ADAM22: variants seen among roughly 807,000 people sequenced by gnomAD.
ADAM22 encodes the protein ADAM metallopeptidase domain 22, also known as disintegrin and metalloproteinase domain-containing protein 22.
A neutral mutation model predicts 144.6 loss-of-function variants in ADAM22; 65 were observed. That is an observed-to-expected ratio of 0.45 (90% CI 0.37 to 0.55). The LOEUF (loss-of-function observed/expected upper bound fraction) is 0.55. ADAM22 is among the 20% of genes least tolerant of loss of function. ADAM22 has a pLI of 0.00. For synonymous variants in ADAM22, 391 were observed against 412.6 expected (o/e 0.95, Z 0.63); for missense variants, 974 against 1,184.9 (o/e 0.82, Z 2.61).
In ADAM22 at chr7:88,198,901, G is replaced by A. The variant is rs1237643194; in HGVS notation, c.*2410G>A. ...CCTGTGGAACTGACTAAAAATTTTT[G>A]TTTTATTTGTAGAGATTATGATTTG... is the stretch of plus-strand genomic sequence containing the variant. On this transcript the variant is annotated 3_prime_UTR_variant, in exon 32 of 32. Transcript: ENST00000413139. 1 of 152,072 alleles carries A rather than the reference G, an allele frequency of 6.6e-6. No individual in the cohort carries two copies. Among genetic ancestry groups the A allele is most frequent in the Non-Finnish European group, 1.5e-5 (1 of 67,996 alleles). 9.4% of individuals were successfully genotyped at this position (152,072 alleles called of 1,614,324 possible). A position where few individuals can be genotyped will look rare whatever the true frequency, so the allele number is the denominator to read the frequency against.
intron 3 of ADAM22, among the ~76,000 whole-genome samples, chr7:87,984,144 C>G (rs958175750): frequency 1.3e-5 from 2 of 152,098 alleles, no homozygotes; most frequent in East Asian, 3.8e-4. Flanking sequence ...AAGCCCCTGC[C>G]GACATTCTTG....
At chr7:87,995,208 ATCTCAG>A (rs1020908680) in intron 3 of ADAM22, among the ~76,000 whole-genome samples, 1 of 152,206 alleles carries the variant, frequency 6.6e-6, no homozygotes. Flanking sequence ...GATATTGGGA[ATCTCAG>A]TGCCTGGATG....
chr7:88,095,482 CT>C (rs1290433502), intron 4 of ADAM22, among the ~76,000 whole-genome samples: 2 of 152,118 alleles, frequency 1.3e-5, no homozygotes, highest in Admixed American at 6.6e-5. Context: ...ATTATTCCCC[CT>C]GCTATCAAAA....
At chr7:88,038,478 G>A (rs1425556628) in intron 3 of ADAM22, among the ~76,000 whole-genome samples, 7 of 147,804 alleles carry the variant, frequency 4.7e-5, no homozygotes, top group East Asian at 3.9e-4. Context: ...CTTTTGAGAC[G>A]GAGTTTCGCT....
intron 3 of ADAM22, among the ~76,000 whole-genome samples, chr7:88,005,912 A>T (rs937802414): frequency 3.9e-5 from 6 of 152,214 alleles, no homozygotes; most frequent in Non-Finnish European, 7.3e-5. Context: ...TATAACATAA[A>T]TACCACAAAA....
At chr7:88,192,545 A>T (rs142231898) in intron 30 of ADAM22, among the ~76,000 whole-genome samples, 3 of 152,240 alleles carry the variant, frequency 2.0e-5, no homozygotes, top group East Asian at 3.9e-4. Flanking sequence ...TGCACTCCTT[A>T]CTGCTTGCAT....
chr7:88,135,277 C>CAAA (rs55721029), intron 13 of ADAM22, among the ~76,000 whole-genome samples: 2 of 60,462 alleles, frequency 3.3e-5, no homozygotes, highest in Non-Finnish European at 5.9e-5. Context: ...GACTCCATCT[C>CAAA]AAAAAAAAAA....
chr7:88,123,121 T>C (rs1007646449), intron 7 of ADAM22, among the ~76,000 whole-genome samples: 1 of 152,128 alleles, frequency 6.6e-6, no homozygotes, highest in Non-Finnish European at 1.5e-5. Context: ...TGGGCCCCAA[T>C]TGGTTATGGT....
chr7:88,180,911 A>G (rs1563409695), intron 27 of ADAM22, among the ~76,000 whole-genome samples: 3 of 152,150 alleles, frequency 2.0e-5, no homozygotes, highest in Admixed American at 6.6e-5. Context: ...CATGATAAAC[A>G]TCTGATTCAG....
chr7:88,053,016 A>G (rs751923417), intron 3 of ADAM22, among the ~76,000 whole-genome samples: 90 of 152,300 alleles, frequency 5.9e-4, no homozygotes, highest in Admixed American at 9.8e-4. Flanking sequence ...ACAGAATTTT[A>G]AAAAGTTTCC....
At position 88,136,011 on chromosome 7, in the gene ADAM22, G is replaced by A. The variant is rs773513906; in HGVS notation, c.1200G>A (p.Gly400=). The part of the protein sequence containing the change: ...GECKCEDTWS[G]CIMGDTGYYL... ...GTAAATGCGAGGACACGTGGTCCGG[G>A]TGCATAATGGGAGACACTGGGTGAG... The change falls in exon 14 of 32, where the codon GGG becomes GGA. Residue 400 remains glycine, a synonymous_variant. Coordinates refer to ENST00000413139, the MANE Select transcript of ADAM22 (RefSeq NM_001324418.2). 36 of 1,612,084 alleles carry A rather than the reference G, an allele frequency of 2.2e-5. No homozygotes were observed. The highest frequency in any genetic ancestry group is 3.1e-5 in the Non-Finnish European group (36 of 1,178,938).
At chr7:88,170,004 T>C (rs1362857358) in intron 25 of ADAM22, among the ~76,000 whole-genome samples, 1 of 152,140 alleles carries the variant, frequency 6.6e-6, no homozygotes, top group Non-Finnish European at 1.5e-5. Flanking sequence ...TATTAAATTA[T>C]GTGTCTATTT....
intron 3 of ADAM22, among the ~76,000 whole-genome samples, chr7:88,008,729 A>G (rs1159370175): frequency 2.0e-5 from 3 of 151,892 alleles, no homozygotes; most frequent in Non-Finnish European, 4.4e-5. Flanking sequence ...GAAGGGGAAC[A>G]TCACACTCTG....
At chr7:88,135,021 C>A (rs567878403) in intron 13 of ADAM22, among the ~76,000 whole-genome samples, 1 of 151,898 alleles carries the variant, frequency 6.6e-6, no homozygotes, top group Non-Finnish European at 1.5e-5. Context: ...AATCTGGAAT[C>A]CCAGCACTTT....
chr7:88,059,676 A>C (rs1206584804), intron 3 of ADAM22, among the ~76,000 whole-genome samples: 1 of 152,214 alleles, frequency 6.6e-6, no homozygotes, highest in Non-Finnish European at 1.5e-5. Context: ...ATGGAATACT[A>C]TGCAGTCATA....
intron 25 of ADAM22, among the ~76,000 whole-genome samples, chr7:88,170,540 A>C (rs1844063350): frequency 6.6e-6 from 1 of 151,962 alleles, no homozygotes; most frequent in African/African-American, 2.4e-5. Context: ...AACATGTTGA[A>C]TAGAAAAATA....
intron 6 of ADAM22, among the ~76,000 whole-genome samples, chr7:88,114,891 A>G (rs757679760): frequency 6.6e-6 from 1 of 152,208 alleles, no homozygotes; most frequent in Non-Finnish European, 1.5e-5. Flanking sequence ...AGTCAAAAAC[A>G]TGTATGTTGG....
intron 4 of ADAM22, among the ~76,000 whole-genome samples, chr7:88,089,293 G>A (rs1457162677): frequency 6.6e-6 from 1 of 152,082 alleles, no homozygotes; most frequent in African/African-American, 2.4e-5. Flanking sequence ...AGACCTTGGT[G>A]TGCAGTAAAT....
In ADAM22 at chr7:88,108,177, G is replaced by A; in HGVS notation, c.392G>A (p.Gly131Glu). 1.2e-6 allele frequency: 2 copies of A among 1,610,736 alleles called. No homozygotes were observed. Among genetic ancestry groups the A allele is most frequent in the Non-Finnish European group, 8.5e-7 (1 of 1,178,960 alleles). ...TACATTCTTTATTTCTGTTTTCAGGGAGGAGAGCACTGTTACTACCAGGGC... is the reference window on the plus strand; with the variant it reads ...TACATTCTTTATTTCTGTTTTCAGGAAGGAGAGCACTGTTACTACCAGGGC... ...EHGGKTVEVK[G>E]GEHCYYQGHI... The change falls in exon 5 of 32, where the codon GGA becomes GAA. Residue 131 changes from glycine (G) to glutamate (E), a missense_variant and splice_region_variant. Coordinates refer to ENST00000413139, the MANE Select transcript of ADAM22 (RefSeq NM_001324418.2).
Sources: allele counts gnomAD v4.1 joint callset (sites outside exome capture counted in the v4.1 genomes callset), GRCh38; gene constraint gnomAD v4.1.1; transcripts MANE v1.5; gene names NCBI Gene and HGNC (gene_info 2026-07-23, HGNC 2026-07-21).